Variants in PTPRD observed in about 807,000 individuals in gnomAD.
PTPRD encodes the protein receptor-type tyrosine-protein phosphatase delta.
Under a neutral mutation model 214.5 loss-of-function variants are expected in PTPRD, and 34 were observed. The ratio of observed to expected loss-of-function variants is 0.16; its 90% CI spans 0.12 to 0.21. The LOEUF is 0.21. Among genes scored for constraint, PTPRD ranks in the 10% least tolerant of loss-of-function variants. The pLI, the probability that PTPRD is intolerant of heterozygous loss-of-function variation, is 1.00. For synonymous variants in PTPRD, 1,128 were observed against 845.7 expected, an observed-to-expected ratio of 1.33 and a Z score of -5.79; for missense variants, 2,545 against 2,398.7, an observed-to-expected ratio of 1.06 and a Z score of -1.27.
chr9:10,173,247 G>A (rs917985507), intron 3 of PTPRD, among the ~76,000 whole-genome samples: 7 of 151,860 alleles, frequency 4.6e-5, no homozygotes, highest in African/African-American at 1.5e-4. Flanking sequence ...AATTTTGTTA[G>A]GTATAAAAAC....
chr9:8,675,687 C>T (rs1447458539), intron 12 of PTPRD, among the ~76,000 whole-genome samples: 1 of 152,060 alleles, frequency 6.6e-6, no homozygotes, highest in Non-Finnish European at 1.5e-5. Flanking sequence ...AGCTTGTGGA[C>T]CCATCATCTC....
chr9:10,322,404 T>A (rs1484075389), intron 3 of PTPRD, among the ~76,000 whole-genome samples: 1 of 152,016 alleles, frequency 6.6e-6, no homozygotes, highest in Non-Finnish European at 1.5e-5. Context: ...TAGCCCCAAA[T>A]CTGACTATTT....
intron 9 of PTPRD, among the ~76,000 whole-genome samples, chr9:9,261,876 C>T (rs2099980285): frequency 1.3e-5 from 2 of 151,696 alleles, no homozygotes; most frequent in Non-Finnish European, 2.9e-5. Flanking sequence ...AGGTAAATAT[C>T]ACCACTTATT....
chr9:9,913,439 G>T (rs2079790491), intron 5 of PTPRD, among the ~76,000 whole-genome samples: 1 of 152,138 alleles, frequency 6.6e-6, no homozygotes, highest in South Asian at 2.1e-4. Flanking sequence ...CAAGATGGCT[G>T]ACTACAGATG....
chr9:10,159,206 A>T (rs2099112282), intron 3 of PTPRD, among the ~76,000 whole-genome samples: 1 of 152,202 alleles, frequency 6.6e-6, no homozygotes, highest in Admixed American at 6.5e-5. Flanking sequence ...GAAATAATAA[A>T]TGAATGAAAA....
intron 6 of PTPRD, among the ~76,000 whole-genome samples, chr9:9,742,893 T>A (rs1246857267): frequency 6.6e-6 from 1 of 152,214 alleles, no homozygotes; most frequent in Admixed American, 6.5e-5. Context: ...TTATGCATAC[T>A]CATTATACTG....
chr9:9,975,024 T>C (rs2890899), intron 4 of PTPRD, among the ~76,000 whole-genome samples: 116,578 of 152,054 alleles, frequency 0.77, 45,242 homozygotes, highest in Middle Eastern at 0.89. Flanking sequence ...GCTCAAAATT[T>C]GAGATTTTCT....
intron 2 of PTPRD, among the ~76,000 whole-genome samples, chr9:10,597,152 A>C (rs1014458383): frequency 9.9e-5 from 15 of 151,648 alleles, no homozygotes; most frequent in African/African-American, 3.6e-4. Flanking sequence ...GGAGGAAACA[A>C]ATGCTTTATT....
intron 4 of PTPRD, among the ~76,000 whole-genome samples, chr9:10,024,913 G>T (rs1213054880): frequency 6.6e-6 from 1 of 151,462 alleles, no homozygotes; most frequent in Non-Finnish European, 1.5e-5. Flanking sequence ...AGTTTGCTGA[G>T]AATGGTGGTT....
chr9:10,246,796 A>G (rs1463996145), intron 3 of PTPRD, among the ~76,000 whole-genome samples: 1 of 151,976 alleles, frequency 6.6e-6, no homozygotes, highest in Non-Finnish European at 1.5e-5. Flanking sequence ...CGAGAGGCTG[A>G]GGCAGGAGAA....
intron 8 of PTPRD, among the ~76,000 whole-genome samples, chr9:9,458,645 C>T (rs1035535723): frequency 2.2e-4 from 33 of 152,024 alleles, no homozygotes; most frequent in African/African-American, 7.7e-4. Context: ...CCAGCTATCT[C>T]AGAAAGACAA....
intron 27 of PTPRD, among the ~76,000 whole-genome samples, chr9:8,490,101 G>A (rs533184277): frequency 6.6e-6 from 1 of 152,254 alleles, no homozygotes; most frequent in Middle Eastern, 3.4e-3. Flanking sequence ...TCCAGCACTG[G>A]AGCTTGAGGG....
intron 12 of PTPRD, among the ~76,000 whole-genome samples, chr9:8,658,990 T>C (rs1482511299): frequency 6.6e-6 from 1 of 152,180 alleles, no homozygotes; most frequent in Non-Finnish European, 1.5e-5. Flanking sequence ...TGATTATATT[T>C]TTGCCGCAGG....
intron 2 of PTPRD, among the ~76,000 whole-genome samples, chr9:10,607,531 AT>A (rs2079772588): frequency 1.3e-5 from 2 of 151,882 alleles, no homozygotes; most frequent in Non-Finnish European, 2.9e-5. Context: ...AATCAGCTAT[AT>A]TGGCTATATT....
chr9:10,110,070 T>C (rs2098676653), intron 3 of PTPRD, among the ~76,000 whole-genome samples: 1 of 152,166 alleles, frequency 6.6e-6, no homozygotes, highest in African/African-American at 2.4e-5. Flanking sequence ...AATTTATTGT[T>C]TGTTATTAAT....
intron 12 of PTPRD, among the ~76,000 whole-genome samples, chr9:8,723,453 A>G (rs2098523755): frequency 6.6e-6 from 1 of 152,162 alleles, no homozygotes; most frequent in Non-Finnish European, 1.5e-5. Context: ...CTTGTTGCCC[A>G]TAGCCATGTC....
chr9:9,476,361 T>C (rs1404443845), intron 8 of PTPRD, among the ~76,000 whole-genome samples: 2 of 152,226 alleles, frequency 1.3e-5, no homozygotes, highest in Non-Finnish European at 2.9e-5. Context: ...GCCAGGGGCC[T>C]ATTCTCAGAA....
intron 5 of PTPRD, among the ~76,000 whole-genome samples, chr9:9,819,674 C>G (rs368803698): frequency 6.6e-6 from 1 of 152,088 alleles, no homozygotes; most frequent in Admixed American, 6.6e-5. Flanking sequence ...CTCTTTCCCT[C>G]TTCTAGTAGT....
At chr9:10,114,483 G>C (rs538334023) in intron 3 of PTPRD, among the ~76,000 whole-genome samples, 1 of 151,678 alleles carries the variant, frequency 6.6e-6, no homozygotes, top group African/African-American at 2.4e-5. Context: ...TCTCTCGCTC[G>C]CTCTCACTCT....
Sources: allele counts gnomAD v4.1 joint callset (sites outside exome capture counted in the v4.1 genomes callset), GRCh38; gene constraint gnomAD v4.1.1; transcripts MANE v1.5; gene names NCBI Gene and HGNC (gene_info 2026-07-23, HGNC 2026-07-21).